ZNF385D: variants seen among roughly 807,000 people sequenced by gnomAD.
ZNF385D encodes the protein zinc finger protein 385D.
In ZNF385D, 15 loss-of-function variants were observed where a neutral mutation model predicts 35.8. The observed-to-expected ratio is 0.42, with a 90% CI of 0.28 to 0.64. The LOEUF (loss-of-function observed/expected upper bound fraction) is 0.64. Ranked by LOEUF, ZNF385D falls within the 30% of genes least tolerant of loss-of-function variation. The pLI is 0.23. For missense variants in ZNF385D, 474 were observed against 494.6 expected, an observed-to-expected ratio of 0.96 and a Z score of 0.39; for synonymous variants, 212 against 186.8, an observed-to-expected ratio of 1.13 and a Z score of -1.10.
chr3:22,089,599 T>C (rs1267620686), intron 3 of ZNF385D, among the ~76,000 whole-genome samples: 1 of 152,124 alleles, frequency 6.6e-6, no homozygotes, highest in African/African-American at 2.4e-5. Context: ...CTCCGTGGCC[T>C]TTTTGCTATT....
At chr3:21,893,072 C>T (rs1026455859) in intron 3 of ZNF385D, among the ~76,000 whole-genome samples, 1 of 152,058 alleles carries the variant, frequency 6.6e-6, no homozygotes, top group Non-Finnish European at 1.5e-5. Context: ...ATAGGACTAG[C>T]CTGAATGGTG....
At chr3:22,141,859 G>C (rs1704523368) in intron 3 of ZNF385D, among the ~76,000 whole-genome samples, 1 of 152,172 alleles carries the variant, frequency 6.6e-6, no homozygotes, top group African/African-American at 2.4e-5. Context: ...AGGACAATTA[G>C]CAAAGTTCAG....
chr3:21,743,827 A>T (rs1197605805), intron 1 of ZNF385D, among the ~76,000 whole-genome samples: 1 of 152,218 alleles, frequency 6.6e-6, no homozygotes, highest in Non-Finnish European at 1.5e-5. Flanking sequence ...ATATTTTCTG[A>T]CTATTAATGA....
At chr3:21,806,545 G>A (rs1029208651) in intron 3 of ZNF385D, among the ~76,000 whole-genome samples, 1 of 152,096 alleles carries the variant, frequency 6.6e-6, no homozygotes, top group Non-Finnish European at 1.5e-5. Context: ...CACAGAACAT[G>A]TATACGTGAA....
At chr3:21,927,943 G>C (rs1047692487) in intron 3 of ZNF385D, among the ~76,000 whole-genome samples, 2 of 152,126 alleles carry the variant, frequency 1.3e-5, no homozygotes, top group South Asian at 2.1e-4. Context: ...AATCACATTG[G>C]CTAGACATGG....
chr3:21,907,691 A>C (rs970040969), intron 3 of ZNF385D, among the ~76,000 whole-genome samples: 1 of 152,134 alleles, frequency 6.6e-6, no homozygotes, highest in Non-Finnish European at 1.5e-5. Context: ...CTCATCCACC[A>C]GTACATCCTC....
rs529325182 is a variant in ZNF385D at position 22,201,791 on chromosome 3, A to ATG, written c.107-32758_107-32757dup. Among the ~76,000 whole-genome samples, 4 of 151,684 alleles carry ATG rather than the reference A, an allele frequency of 2.6e-5. No individual in the cohort carries two copies. In the East Asian group the frequency reaches 7.8e-4, roughly 29 times the overall value. ...ATTCACTATAAAATTAAACAACTGA[A>ATG]TGTGTGTGTATATATATACATATAT... is the stretch of plus-strand genomic sequence containing the variant. On this transcript the variant is annotated intron_variant, in intron 2 of 5. Transcript: ENST00000494108.
chr3:22,118,905 A>T (rs537620145), intron 3 of ZNF385D, among the ~76,000 whole-genome samples: 2 of 152,280 alleles, frequency 1.3e-5, no homozygotes, highest in South Asian at 2.1e-4. Context: ...TTTTAGAAAC[A>T]TTTGCAAGTC....
intron 3 of ZNF385D, among the ~76,000 whole-genome samples, chr3:21,773,826 G>A (rs1272456286): frequency 6.6e-6 from 1 of 151,950 alleles, no homozygotes; most frequent in East Asian, 1.9e-4. Flanking sequence ...TGGTGGGAGT[G>A]TAAATTAGTT....
At chr3:21,681,316 A>AAAAAAAAAAAAAAAAAAAAAAAAAAAAC (rs1334410224) in intron 1 of ZNF385D, among the ~76,000 whole-genome samples, 5 of 141,674 alleles carry the variant, frequency 3.5e-5, no homozygotes, top group East Asian at 2.1e-4. Context: ...AAAAAAAAAA[A>AAAAAAAAAAAAAAAAAAAAAAAAAAAAC]AAAAAAAACC....
At chr3:21,878,291 T>C (rs1400182880) in intron 3 of ZNF385D, 2 of 151,998 alleles carry the variant, frequency 1.3e-5, no homozygotes, top group Non-Finnish European at 2.9e-5. Flanking sequence ...TGACTGTGGA[T>C]TCAAATTCTT....
intron 1 of ZNF385D, among the ~76,000 whole-genome samples, chr3:21,745,308 A>AAAGAGATT (rs2069715548): frequency 6.6e-6 from 1 of 152,234 alleles, no homozygotes; most frequent in African/African-American, 2.4e-5. Flanking sequence ...ATAAGAAAGA[A>AAAGAGATT]AAGAGATTCA....
rs192656638 is a variant in ZNF385D, at chr3:22,063,017, A to C, written c.325+105800T>G. The stretch of plus-strand genomic sequence containing the variant: ...CACTCTCAGCCTCATGACTCACAGA[A>C]ATTACACGGGATAATTTTTTTTTAT... On this transcript the variant is annotated intron_variant, in intron 3 of 5. Coordinates refer to the ZNF385D transcript ENST00000494108. Among the ~76,000 whole-genome samples the C allele has an allele frequency of 1.5e-3, 229 of 152,264 alleles. 1 individual carries two copies. Among genetic ancestry groups the C allele is most frequent in the African/African-American group, 5.0e-3 (209 of 41,544 alleles).
chr3:22,318,038 A>C (rs1450830887), intron 2 of ZNF385D, among the ~76,000 whole-genome samples: 2 of 151,892 alleles, frequency 1.3e-5, no homozygotes, highest in African/African-American at 4.8e-5. Flanking sequence ...AGCCTGGGCG[A>C]CAGAGTGAGA....
intron 3 of ZNF385D, among the ~76,000 whole-genome samples, chr3:21,914,205 C>G (rs1412741075): frequency 1.3e-5 from 2 of 152,012 alleles, no homozygotes; most frequent in Non-Finnish European, 2.9e-5. Context: ...CAGACTAATT[C>G]AAGCATGACA....
At chr3:21,510,803 G>A (rs1575078307) in intron 4 of ZNF385D, 58 bp downstream of exon 4, 7 of 1,602,548 alleles carry the variant, frequency 4.4e-6, no homozygotes, top group Non-Finnish European at 6.0e-6. Context: ...GGCTAGACAA[G>A]GGAGGGAATC....
At chr3:21,964,589 A>C (rs1479918958) in intron 3 of ZNF385D, among the ~76,000 whole-genome samples, 1 of 143,240 alleles carries the variant, frequency 7.0e-6, no homozygotes, top group African/African-American at 2.6e-5. Flanking sequence ...TCCCAGGTTC[A>C]AGCGATTCTC....
chr3:21,864,727 A>C (rs990953896), intron 3 of ZNF385D, among the ~76,000 whole-genome samples: 1 of 152,090 alleles, frequency 6.6e-6, no homozygotes, highest in African/African-American at 2.4e-5. Context: ...AAAGCTCTCC[A>C]TTCCAATATT....
intron 3 of ZNF385D, among the ~76,000 whole-genome samples, chr3:21,874,713 T>C (rs1057254203): frequency 1.2e-4 from 19 of 152,126 alleles, no homozygotes; most frequent in Non-Finnish European, 2.8e-4. Context: ...TTTATGGCTA[T>C]TTGTGGTCCT....
Sources: allele counts gnomAD v4.1 joint callset (sites outside exome capture counted in the v4.1 genomes callset), GRCh38; gene constraint gnomAD v4.1.1; transcripts MANE v1.5; gene names NCBI Gene and HGNC (gene_info 2026-07-23, HGNC 2026-07-21).